Variants in AFDN observed in about 807,000 individuals in gnomAD.
AFDN encodes afadin.
A neutral mutation model predicts 216.6 loss-of-function variants in AFDN; 68 were observed. The observed-to-expected ratio is 0.31, with a 90% CI of 0.26 to 0.38. The LOEUF is 0.38. Among genes scored for constraint, AFDN ranks in the 10% least tolerant of loss-of-function variants. AFDN has a pLI of 1.00. For missense variants in AFDN, 2,136 were observed against 2,342.0 expected, an observed-to-expected ratio of 0.91 and a Z score of 1.82; for synonymous variants, 868 against 853.7, an observed-to-expected ratio of 1.02 and a Z score of -0.29.
chr6:167,962,573 G>A lies in AFDN; in HGVS notation c.4968+6G>A. ...AACGAGACGCTGAAGAAAAGGTTAT[G>A]GTCCTTTAAGGGCAGCTAGAATTTT... On this transcript the variant is annotated splice_donor_region_variant and intron_variant, in intron 31 of 33. Transcript: ENST00000683244. The surrounding 1 kb of genome is among the most constrained non-coding windows in gnomAD (Gnocchi z 5.2). 5 of 1,613,932 alleles carry A rather than the reference G, an allele frequency of 3.1e-6. No homozygotes were observed. The highest frequency in any genetic ancestry group is 4.2e-6 in the Non-Finnish European group (5 of 1,179,866).
rs1797153246 is a variant in AFDN at position 167,962,615 on chromosome 6, C to A, written c.4968+48C>A. 2 of 1,611,980 alleles carry A rather than the reference C, an allele frequency of 1.2e-6. No homozygotes were observed. On this transcript the variant is annotated intron_variant, in intron 31 of 33. Coordinates refer to ENST00000683244, the MANE Select transcript of AFDN (RefSeq NM_001386888.1). The surrounding 1 kb of genome is among the most constrained non-coding windows in gnomAD (Gnocchi z 5.2). ...TAGAATTTTACCAAGTTAGCCTGAA[C>A]GTAATCGATTGGCTGGGGCAGAGCG...
At chr6:167,889,001 TAA>T (rs902317231) in intron 6 of AFDN, among the ~76,000 whole-genome samples, 1 of 152,212 alleles carries the variant, frequency 6.6e-6, no homozygotes, top group African/African-American at 2.4e-5. Context: ...ACCAGGTGAT[TAA>T]AAGCAGCCAA....
At chr6:167,857,187 G>A (rs2128203461) in intron 1 of AFDN, among the ~76,000 whole-genome samples, 1 of 152,090 alleles carries the variant, frequency 6.6e-6, no homozygotes, top group Middle Eastern at 3.4e-3. Flanking sequence ...TAAATACAGT[G>A]TTGTCATTTC....
chr6:167,831,735 A>G (rs1246645894), intron 1 of AFDN, among the ~76,000 whole-genome samples: 1 of 152,222 alleles, frequency 6.6e-6, no homozygotes, highest in Non-Finnish European at 1.5e-5. Flanking sequence ...ATGATACCAA[A>G]TTGGTGAGAA....
At chr6:167,858,522 C>T (rs1274366619) in intron 1 of AFDN, among the ~76,000 whole-genome samples, 1 of 152,218 alleles carries the variant, frequency 6.6e-6, no homozygotes, top group East Asian at 1.9e-4. Context: ...CCTTTTCCCA[C>T]TTTCAGTGAA....
intron 1 of AFDN, among the ~76,000 whole-genome samples, chr6:167,831,844 T>G (rs1157114175): frequency 6.6e-6 from 1 of 152,250 alleles, no homozygotes; most frequent in Non-Finnish European, 1.5e-5. Context: ...TAGCATAGAC[T>G]AATTTGTTTA....
intron 1 of AFDN, among the ~76,000 whole-genome samples, chr6:167,833,311 C>T (rs980625403): frequency 7.9e-5 from 12 of 152,148 alleles, no homozygotes; most frequent in Non-Finnish European, 1.6e-4. Context: ...CCTAAAACTC[C>T]ACCTGAAAGT....
chr6:167,861,100 C>T (rs1783515885), intron 1 of AFDN, among the ~76,000 whole-genome samples: 1 of 152,048 alleles, frequency 6.6e-6, no homozygotes, highest in African/African-American at 2.4e-5. Context: ...CCTCTGCACC[C>T]CTCCTCTCCC....
chr6:167,939,271 A>C (rs1301958759), intron 23 of AFDN, among the ~76,000 whole-genome samples: 2 of 152,214 alleles, frequency 1.3e-5, no homozygotes, highest in African/African-American at 4.8e-5. Flanking sequence ...TATTACATTA[A>C]CCGGAAGATA....
At chr6:167,924,558 A>G (rs1371357769) in intron 22 of AFDN, among the ~76,000 whole-genome samples, 3 of 152,238 alleles carry the variant, frequency 2.0e-5, no homozygotes, top group Non-Finnish European at 4.4e-5. Flanking sequence ...ACGTTAGGTC[A>G]TCTTTGTTAT....
At chr6:167,893,805 GTC>G in intron 8 of AFDN, 55 bp from the exon 9 acceptor site, 1 of 1,354,092 alleles carries the variant, frequency 7.4e-7, no homozygotes, top group Non-Finnish European at 1.0e-6. Flanking sequence ...GTTCTGCATG[GTC>G]TCTCTCCTGC....
At chr6:167,872,421 T>C in intron 4 of AFDN, 44 bp downstream of exon 4, 1 of 1,566,526 alleles carries the variant, frequency 6.4e-7, no homozygotes, top group South Asian at 1.2e-5. Context: ...GTGCTCCAAA[T>C]CAGATGTTTT....
Position 167,835,176 on chromosome 6 carries a change from G to GA in AFDN, c.105+7944dup, listed in dbSNP as rs1780284080. ...GTTAATATCACCACTGATCTCATCAGAAAAATTGTAAGTATAGGGAAGCTC... is the reference window on the plus strand; with the variant it reads ...GTTAATATCACCACTGATCTCATCAGAAAAAATTGTAAGTATAGGGAAGCTC... On this transcript the variant is annotated intron_variant, in intron 1 of 33. Coordinates refer to ENST00000683244, the MANE Select transcript of AFDN (RefSeq NM_001386888.1). Among the ~76,000 whole-genome samples, 3 of 152,286 alleles carry GA rather than the reference G, an allele frequency of 2.0e-5. No individual in the cohort carries two copies. The South Asian group carries it at 6.2e-4, about 32-fold the overall frequency.
intron 1 of AFDN, among the ~76,000 whole-genome samples, chr6:167,843,063 A>G (rs1781249731): frequency 6.6e-6 from 1 of 152,194 alleles, no homozygotes; most frequent in Non-Finnish European, 1.5e-5. Flanking sequence ...TGAATCCTGG[A>G]GTTTCAGTAG....
intron 23 of AFDN, among the ~76,000 whole-genome samples, chr6:167,939,783 G>A (rs1230141743): frequency 6.6e-6 from 1 of 152,192 alleles, no homozygotes; most frequent in African/African-American, 2.4e-5. Context: ...GGGCGGTGAG[G>A]AGGGTGCTGT....
chr6:167,871,373 T>C (rs1784778029), intron 3 of AFDN, among the ~76,000 whole-genome samples: 1 of 152,188 alleles, frequency 6.6e-6, no homozygotes, highest in African/African-American at 2.4e-5. Flanking sequence ...TGCTCTTTCA[T>C]TCTGTATATT....
chr6:167,842,921 C>G (rs767276163), intron 1 of AFDN, among the ~76,000 whole-genome samples: 1 of 151,944 alleles, frequency 6.6e-6, no homozygotes, highest in Non-Finnish European at 1.5e-5. Flanking sequence ...TCATTTGCTA[C>G]TATCTGTAAA....
intron 30 of AFDN, among the ~76,000 whole-genome samples, chr6:167,961,153 TG>T (rs1796998743): frequency 6.6e-6 from 1 of 152,174 alleles, no homozygotes; most frequent in South Asian, 2.1e-4. Flanking sequence ...ATAGACAAAC[TG>T]GTAATTCTGT....
chr6:167,842,070 T>G (rs1781133867), intron 1 of AFDN, among the ~76,000 whole-genome samples: 1 of 152,172 alleles, frequency 6.6e-6, no homozygotes, highest in Non-Finnish European at 1.5e-5. Context: ...CAAACATTTC[T>G]ACTCCAACTT....
Sources: gnomAD v4.1 joint callset for allele counts (sites outside exome capture counted in the v4.1 genomes callset) on GRCh38, gnomAD v4.1.1 for gene constraint, Gnocchi (gnomAD v3.1) non-coding constraint, MANE v1.5 for transcripts, NCBI Gene and HGNC (gene_info 2026-07-23, HGNC 2026-07-21) for gene names.